Variants in CPA6 observed in about 807,000 individuals in gnomAD.
CPA6 encodes carboxypeptidase B.
A neutral mutation model predicts 63.3 loss-of-function variants in CPA6; 58 were observed. The observed-to-expected ratio is 0.92, with a 90% CI of 0.74 to 1.14. The LOEUF is 1.14. Ranked by LOEUF, CPA6 falls within the 50% of genes most tolerant of loss-of-function variation. The pLI is 0.00. For missense variants in CPA6, 565 were observed against 526.6 expected, an observed-to-expected ratio of 1.07 and a Z score of -0.71; for synonymous variants, 185 against 179.0, an observed-to-expected ratio of 1.03 and a Z score of -0.27.
intron 1 of CPA6, among the ~76,000 whole-genome samples, chr8:67,631,817 G>A (rs1373981470): frequency 2.0e-5 from 3 of 151,902 alleles, no homozygotes; most frequent in Non-Finnish European, 2.9e-5. Context: ...TGAACCCACC[G>A]GGAGGAATGA....
chr8:67,446,400 C>G (rs982378726), intron 8 of CPA6, among the ~76,000 whole-genome samples: 1 of 151,684 alleles, frequency 6.6e-6, no homozygotes, highest in Admixed American at 6.6e-5. Flanking sequence ...ACTGGGGTTA[C>G]AGGTATGAGT....
At chr8:67,450,696 C>T (rs1374143856) in intron 8 of CPA6, among the ~76,000 whole-genome samples, 1 of 152,194 alleles carries the variant, frequency 6.6e-6, no homozygotes, top group African/African-American at 2.4e-5. Context: ...TGCCTTGTAT[C>T]TATTGGCTGT....
intron 2 of CPA6, among the ~76,000 whole-genome samples, chr8:67,580,109 G>T (rs1813729357): frequency 6.6e-6 from 1 of 152,196 alleles, no homozygotes; most frequent in Admixed American, 6.5e-5. Context: ...GGACAGGAAA[G>T]AAGGGAATAC....
chr8:67,500,196 C>A (rs988632406), intron 6 of CPA6, among the ~76,000 whole-genome samples: 1 of 151,962 alleles, frequency 6.6e-6, no homozygotes, highest in Admixed American at 6.5e-5. Flanking sequence ...TATAGATCTA[C>A]CTATACATCT....
chr8:67,633,774 G>C (rs1190725386), intron 1 of CPA6, among the ~76,000 whole-genome samples: 1 of 149,920 alleles, frequency 6.7e-6, no homozygotes, highest in Non-Finnish European at 1.5e-5. Context: ...TGATTTTTTT[G>C]TATTTTACAA....
At chr8:67,506,122 C>T (rs1470410057) in intron 6 of CPA6, among the ~76,000 whole-genome samples, 2 of 151,436 alleles carry the variant, frequency 1.3e-5, no homozygotes, top group African/African-American at 4.9e-5. Flanking sequence ...TCAGAACATA[C>T]GAAAGTGTTG....
At chr8:67,579,148 CG>C (rs1813700782) in intron 2 of CPA6, among the ~76,000 whole-genome samples, 2 of 152,080 alleles carry the variant, frequency 1.3e-5, no homozygotes, top group South Asian at 4.1e-4. Context: ...TGGTGGCTCA[CG>C]CCTGTAATCC....
chr8:67,626,161 A>G (rs1052993441), intron 1 of CPA6, among the ~76,000 whole-genome samples: 3 of 152,022 alleles, frequency 2.0e-5, no homozygotes, highest in African/African-American at 7.3e-5. Flanking sequence ...GATTAAATCT[A>G]TTTTCTTCAT....
At chr8:67,608,349 G>T (rs188170060) in intron 2 of CPA6, among the ~76,000 whole-genome samples, 1 of 152,296 alleles carries the variant, frequency 6.6e-6, no homozygotes, top group Non-Finnish European at 1.5e-5. Flanking sequence ...AGAGCCACAT[G>T]GCAGAGAAGA....
intron 1 of CPA6, among the ~76,000 whole-genome samples, chr8:67,664,905 A>C (rs979624871): frequency 1.3e-5 from 2 of 152,170 alleles, no homozygotes; most frequent in East Asian, 3.8e-4. Flanking sequence ...GCAATAGAAA[A>C]GGAAGCTTAT....
At position 67,526,695 on chromosome 8, in the gene CPA6, A is replaced by G. The variant is rs1461785758; in HGVS notation, c.193-8648T>C. ...TGGGAGGTGATTTAGAGGCTATGAG[A>G]GGAAGATGCAGGCCTGTGCTGGTCC... On this transcript the variant is annotated intron_variant, in intron 2 of 10. Transcript: ENST00000297770. Among the ~76,000 whole-genome samples, 9 of 152,094 alleles carry G rather than the reference A, an allele frequency of 5.9e-5. No individual in the cohort carries two copies. The South Asian group carries it at 1.9e-3, about 32-fold the overall frequency.
chr8:67,446,767 T>G (rs911604678), intron 8 of CPA6, among the ~76,000 whole-genome samples: 5 of 152,222 alleles, frequency 3.3e-5, no homozygotes, highest in Admixed American at 2.6e-4. Flanking sequence ...ACAATGCTAA[T>G]TTAAAAATTG....
In CPA6 at chr8:67,498,841, T is replaced by A. The variant is rs144860208; in HGVS notation, c.636+7946A>T. The stretch of plus-strand genomic sequence containing the variant: ...TACATGATTAAAAAAATTTGTGCTA[T>A]GTGAATATTAGGAAAGAAAGAGAGG... On this transcript the variant is annotated intron_variant, in intron 6 of 10. Transcript: ENST00000297770. Among the ~76,000 whole-genome samples the A allele has an allele frequency of 3.4e-3, 516 of 152,250 alleles. 4 individuals carry two copies. Among genetic ancestry groups the A allele is most frequent in the African/African-American group, 0.012 (487 of 41,546 alleles).
intron 1 of CPA6, among the ~76,000 whole-genome samples, chr8:67,724,249 C>G (rs1431912483): frequency 6.6e-6 from 1 of 152,156 alleles, no homozygotes. Flanking sequence ...TCACACTCAC[C>G]TCTTTTCTCT....
rs142290495 is a variant in CPA6 at position 67,569,250 on chromosome 8, A to T, written c.193-51203T>A. Among the ~76,000 whole-genome samples, 16 of 152,336 alleles carry T rather than the reference A, an allele frequency of 1.1e-4. 1 individual carries two copies. In the East Asian group the frequency reaches 2.9e-3, roughly 28 times the overall value. ...AGAGATAAGAAATATATCATATACA[A>T]TGAAGTCTTAATATGACTGTAGATG... On this transcript the variant is annotated intron_variant, in intron 2 of 10. Coordinates refer to ENST00000297770, the MANE Select transcript of CPA6 (RefSeq NM_020361.5).
At chr8:67,743,460 T>C (rs1817950091) in intron 1 of CPA6, among the ~76,000 whole-genome samples, 1 of 152,188 alleles carries the variant, frequency 6.6e-6, no homozygotes. Context: ...AAGCGTTTAT[T>C]CTCTGTGTTA....
intron 6 of CPA6, among the ~76,000 whole-genome samples, chr8:67,491,982 GTCCTTGT>G: frequency 6.6e-6 from 1 of 152,304 alleles, no homozygotes; most frequent in East Asian, 1.9e-4. Context: ...GTTGTGTTGT[GTCCTTGT>G]TTCCCGGTGA....
intron 8 of CPA6, among the ~76,000 whole-genome samples, chr8:67,478,267 C>A (rs530798229): frequency 2.0e-5 from 3 of 152,324 alleles, no homozygotes; most frequent in Admixed American, 2.0e-4. Flanking sequence ...GGGCACGGAG[C>A]TTTCATGCCC....
intron 1 of CPA6, among the ~76,000 whole-genome samples, chr8:67,635,524 T>C (rs2128988985): frequency 6.6e-6 from 1 of 151,824 alleles, no homozygotes; most frequent in East Asian, 1.9e-4. Context: ...TCCCAGCACT[T>C]TGGGAAGCCA....
Sources: gnomAD v4.1 joint callset for allele counts (sites outside exome capture counted in the v4.1 genomes callset) on GRCh38, gnomAD v4.1.1 for gene constraint, MANE v1.5 for transcripts, NCBI Gene and HGNC (gene_info 2026-07-23, HGNC 2026-07-21) for gene names.